The following SLC12A8 variants were observed in gnomAD, a reference collection of about 807,000 sequenced individuals.
SLC12A8 encodes cation-chloride cotransporter 9.
A neutral mutation model predicts 75.6 loss-of-function variants in SLC12A8; 69 were observed. That is an observed-to-expected ratio of 0.91 (90% CI 0.75 to 1.11). The LOEUF is 1.11. Ranked by LOEUF, SLC12A8 falls within the 50% of genes most tolerant of loss-of-function variation. SLC12A8 has a pLI of 0.00. For missense variants in SLC12A8, 877 were observed against 896.7 expected (o/e 0.98, Z 0.28); for synonymous variants, 365 against 372.8 (o/e 0.98, Z 0.24).
At chr3:125,094,157 C>T (rs1560048938) in intron 10 of SLC12A8, among the ~76,000 whole-genome samples, 1 of 152,196 alleles carries the variant, frequency 6.6e-6, no homozygotes, top group Non-Finnish European at 1.5e-5. Context: ...ACTCTCAGCC[C>T]ATAACCTCCT....
intron 5 of SLC12A8, among the ~76,000 whole-genome samples, chr3:125,172,360 T>G (rs988490925): frequency 2.0e-5 from 3 of 152,016 alleles, no homozygotes; most frequent in Non-Finnish European, 4.4e-5. Flanking sequence ...CTCTCTCTGA[T>G]TGTTTGCTCT....
intron 5 of SLC12A8, among the ~76,000 whole-genome samples, chr3:125,174,799 T>C (rs139047361): frequency 1.3e-5 from 2 of 152,288 alleles, no homozygotes; most frequent in African/African-American, 4.8e-5. Flanking sequence ...AAAAGATCAG[T>C]GGTTGCCAGG....
chr3:125,101,498 T>C (rs921132648), intron 10 of SLC12A8, among the ~76,000 whole-genome samples: 13 of 152,230 alleles, frequency 8.5e-5, no homozygotes, highest in Non-Finnish European at 1.6e-4. Context: ...TTAAAAATAA[T>C]ACGCTTTGGA....
chr3:125,097,479 T>C (rs1176443037), intron 10 of SLC12A8, among the ~76,000 whole-genome samples: 1 of 151,882 alleles, frequency 6.6e-6, no homozygotes. Flanking sequence ...CTCACCCTTT[T>C]ACAACACTTG....
intron 5 of SLC12A8, 98 bp downstream of exon 5, chr3:125,177,645 G>GTAAAGCCTAT: frequency 1.1e-5 from 10 of 910,862 alleles, no homozygotes; most frequent in Admixed American, 2.1e-5. Context: ...AAAGCCTATG[G>GTAAAGCCTAT]GGGTTAGGGG....
chr3:125,153,567 C>T (rs931153189), intron 5 of SLC12A8, among the ~76,000 whole-genome samples: 43 of 152,348 alleles, frequency 2.8e-4, no homozygotes, highest in African/African-American at 9.4e-4. Flanking sequence ...GGGCAAGTGT[C>T]GCACTAAGTT....
chr3:125,093,436 C>G (rs1286904469), intron 10 of SLC12A8, among the ~76,000 whole-genome samples: 1 of 152,118 alleles, frequency 6.6e-6, no homozygotes, highest in Admixed American at 6.6e-5. Flanking sequence ...TACCAGTGTT[C>G]TTCCCCATGT....
chr3:125,205,012 A>G (rs1304386641), intron 2 of SLC12A8, among the ~76,000 whole-genome samples: 5 of 152,044 alleles, frequency 3.3e-5, no homozygotes, highest in Non-Finnish European at 7.4e-5. Context: ...ACCACCAAAG[A>G]CCACCTCCTC....
chr3:125,181,876 A>G (rs975036352), intron 4 of SLC12A8, among the ~76,000 whole-genome samples: 8 of 152,128 alleles, frequency 5.3e-5, no homozygotes, highest in Non-Finnish European at 2.9e-5. Context: ...AAAACTACAT[A>G]TACAGAGGAG....
At chr3:125,151,746 T>A (rs1933930638) in intron 5 of SLC12A8, among the ~76,000 whole-genome samples, 2 of 152,268 alleles carry the variant, frequency 1.3e-5, no homozygotes, top group Non-Finnish European at 2.9e-5. Context: ...GTATTTATAG[T>A]AGTTGCTCAT....
chr3:125,104,986 G>A (rs1270380903), intron 10 of SLC12A8, among the ~76,000 whole-genome samples: 1 of 152,098 alleles, frequency 6.6e-6, no homozygotes, highest in Non-Finnish European at 1.5e-5. Context: ...CTGGATCCTT[G>A]TGTATGAGCT....
intron 5 of SLC12A8, among the ~76,000 whole-genome samples, chr3:125,138,794 G>T (rs1933555699): frequency 6.6e-6 from 1 of 151,552 alleles, no homozygotes; most frequent in Non-Finnish European, 1.5e-5. Context: ...GATTGCTTGA[G>T]CCCAGGTGTT....
chr3:125,110,675 G>A (rs78501126), intron 8 of SLC12A8: 110 of 189,052 alleles, frequency 5.8e-4, no homozygotes, highest in African/African-American at 2.3e-3. Context: ...TTCCGCATGC[G>A]TTCCCAGAGA....
chr3:125,120,899 G>C, intron 6 of SLC12A8: 2 of 695,240 alleles, frequency 2.9e-6, no homozygotes, highest in Admixed American at 4.2e-5. Context: ...GTGGGTTGGA[G>C]GAGGCTCAGG....
intron 8 of SLC12A8, among the ~76,000 whole-genome samples, chr3:125,112,914 A>C (rs554223488): frequency 4.0e-4 from 61 of 151,600 alleles, no homozygotes; most frequent in African/African-American, 1.5e-3. Context: ...GATGTGGAGA[A>C]CCCCTGGGCA....
chr3:125,180,457 C>T (rs534532842), intron 4 of SLC12A8, among the ~76,000 whole-genome samples: 13 of 152,238 alleles, frequency 8.5e-5, no homozygotes, highest in Non-Finnish European at 1.8e-4. Flanking sequence ...CTTTGGGAGG[C>T]CAAGGAGAGC....
chr3:125,143,654 C>G (rs2107766439), intron 5 of SLC12A8, among the ~76,000 whole-genome samples: 1 of 152,380 alleles, frequency 6.6e-6, no homozygotes, highest in East Asian at 1.9e-4. Context: ...CCCGCCCAGC[C>G]TGCCTAGAAA....
intron 2 of SLC12A8, among the ~76,000 whole-genome samples, chr3:125,198,341 T>C (rs1935045701): frequency 6.7e-6 from 1 of 150,202 alleles, no homozygotes; most frequent in Admixed American, 6.6e-5. Context: ...ACTAAAGAGA[T>C]TGTCACAACT....
At position 125,177,980 on chromosome 3, in the gene SLC12A8, A is replaced by G; in HGVS notation, c.391-6T>C. 6.2e-7 allele frequency: 1 copy of G among 1,608,426 alleles called. No individual in the cohort carries two copies. Among genetic ancestry groups the G allele is most frequent in the East Asian group, 2.2e-5 (1 of 44,860 alleles). On this transcript the variant is annotated splice_region_variant and splice_polypyrimidine_tract_variant and intron_variant, in intron 4 of 13. Transcript: ENST00000469902. ...TACATGGCACCTGCAACACACTGAC[A>G]TGCGATTCCAGGTAGAAGAGTCAGC... is the stretch of plus-strand genomic sequence containing the variant.
Sources: gnomAD v4.1 joint callset for allele counts (sites outside exome capture counted in the v4.1 genomes callset) on GRCh38, gnomAD v4.1.1 for gene constraint, MANE v1.5 for transcripts, NCBI Gene and HGNC (gene_info 2026-07-23, HGNC 2026-07-21) for gene names.